MGST1: variants seen among roughly 807,000 people sequenced by gnomAD.
MGST1 encodes microsomal glutathione S-transferase 1, also known as glutathione S-transferase 12.
MGST1 carries 5 observed loss-of-function variants against 8.9 expected under a neutral mutation model. The ratio of observed to expected loss-of-function variants is 0.56; its 90% CI spans 0.29 to 1.19. MGST1 has a LOEUF of 1.19. Among genes scored for constraint, MGST1 ranks in the 50% most tolerant of loss-of-function variants. MGST1 has a pLI of 0.08. For missense variants in MGST1, 182 were observed against 187.4 expected, an observed-to-expected ratio of 0.97 and a Z score of 0.17; for synonymous variants, 54 against 67.8, an observed-to-expected ratio of 0.80 and a Z score of 1.00.
intron 4 of MGST1, among the ~76,000 whole-genome samples, chr12:16,541,605 G>GTAGAGTT (rs1305669262): frequency 1.3e-5 from 2 of 152,044 alleles, no homozygotes; most frequent in African/African-American, 4.8e-5. Flanking sequence ...AAAAGTTAGG[G>GTAGAGTT]TAGAGTTTTG....
Position 16,362,952 on chromosome 12 carries a change from G to GTAATAAATAA in MGST1, c.222-843_222-842insTAATAAATAA, listed in dbSNP as rs1940066852. 1 of 152,052 alleles carries GTAATAAATAA rather than the reference G, an allele frequency of 6.6e-6. No homozygotes were observed. Among genetic ancestry groups the GTAATAAATAA allele is most frequent in the South Asian group, 2.1e-4 (1 of 4,816 alleles). The allele number at this position is 152,052 out of a possible 1,614,324, so 9.4% of individuals were successfully genotyped here. A position where few individuals can be genotyped will look rare whatever the true frequency, so the allele number is the denominator to read the frequency against. ...CCTCTCTAAAAACAACAATAGCAAT[G>GTAATAAATAA]ACAACAATAATAATAAAAATGTCAA... On this transcript the variant is annotated intron_variant, in intron 3 of 3. Coordinates refer to ENST00000396210, the MANE Select transcript of MGST1 (RefSeq NM_020300.5). The surrounding 1 kb of genome is among the most constrained non-coding windows in gnomAD (Gnocchi z 4.4).
In MGST1 at chr12:16,585,184, A is replaced by AC. The variant is rs1378214918; in HGVS notation, n.483-4343dup. ...TTCACAACGTTATTTTTCCTTCCAG[A>AC]CTCCGGAACCTGGAGGCAATTGAGT... is the stretch of plus-strand genomic sequence containing the variant. On this transcript the variant is annotated intron_variant and non_coding_transcript_variant, in intron 4 of 4. Transcript: ENST00000538857. This position sits in a 1 kb window ranked among gnomAD's most constrained non-coding sequence, Gnocchi z 4.7. Among the ~76,000 whole-genome samples the AC allele has an allele frequency of 1.6e-4, 24 of 152,050 alleles. No homozygotes were observed. The highest frequency in any genetic ancestry group is 1.6e-3 in the Admixed American group (24 of 15,256).
At chr12:16,407,357 A>G (rs537386337) in intron 1 of MGST1, among the ~76,000 whole-genome samples, 10 of 152,286 alleles carry the variant, frequency 6.6e-5, no homozygotes, top group East Asian at 5.8e-4. Flanking sequence ...CAAAACCCCA[A>G]TGAGATACCA....
intron 1 of MGST1, among the ~76,000 whole-genome samples, chr12:16,414,564 C>T (rs913321600): frequency 1.3e-5 from 2 of 151,544 alleles, no homozygotes; most frequent in Non-Finnish European, 2.9e-5. Flanking sequence ...TACAGGTGCC[C>T]GCCACCATGC....
intron 4 of MGST1, among the ~76,000 whole-genome samples, chr12:16,535,971 G>T (rs1286719360): frequency 6.6e-6 from 1 of 152,074 alleles, no homozygotes; most frequent in Non-Finnish European, 1.5e-5. Context: ...AAACACAAAG[G>T]ATTTAGGCTT....
rs572016812 is a variant in MGST1, at chr12:16,529,167, A to G, written n.483-60361A>G. Among the ~76,000 whole-genome samples the G allele has an allele frequency of 2.6e-5, 4 of 151,580 alleles. No homozygotes were observed. In the East Asian group the frequency reaches 7.8e-4, roughly 30 times the overall value. The stretch of plus-strand genomic sequence containing the variant: ...TAAACAATTCCTTTCTTAGTTTTTC[A>G]TTTTGTTTCTCTCTCGCTCACTCTT... On this transcript the variant is annotated intron_variant and non_coding_transcript_variant, in intron 4 of 4. Transcript: ENST00000538857.
intron 4 of MGST1, among the ~76,000 whole-genome samples, chr12:16,578,570 C>A (rs1319677395): frequency 6.6e-6 from 1 of 152,082 alleles, no homozygotes; most frequent in African/African-American, 2.4e-5. Flanking sequence ...GTAATCCCAG[C>A]CCTTTGGGAG....
rs202065205 is a variant in MGST1 at position 16,363,906 on chromosome 12, C to T, written c.333C>T (p.Val111=). 2.9e-5 allele frequency: 47 copies of T among 1,613,946 alleles called. No individual in the cohort carries two copies. Among genetic ancestry groups the T allele is most frequent in the Middle Eastern group, 1.6e-4 (1 of 6,062 alleles). Reference sequence around the variant, plus strand: ...CCATCCTGCACTTCAGACTATTTGTCGGAGCACGGATCTACCACACCATTG... The same window carrying T: ...CCATCCTGCACTTCAGACTATTTGTTGGAGCACGGATCTACCACACCATTG... ...STAILHFRLF[V]GARIYHTIAY... is the part of the protein sequence containing the mutation. The change falls in exon 4 of 4, where the codon GTC becomes GTT. Residue 111 remains valine (V), a synonymous_variant. Coordinates refer to ENST00000396210, the MANE Select transcript of MGST1 (RefSeq NM_020300.5). This position sits in a 1 kb window ranked among gnomAD's most constrained non-coding sequence, Gnocchi z 4.6.
At chr12:16,470,826 T>C (rs1446183503) in intron 4 of MGST1, among the ~76,000 whole-genome samples, 1 of 152,214 alleles carries the variant, frequency 6.6e-6, no homozygotes, top group East Asian at 1.9e-4. Flanking sequence ...AAGAGTTAAC[T>C]ATTTTTCCAA....
chr12:16,438,729 C>G (rs1280730310), exon 2 of MGST1: 2 of 151,812 alleles, frequency 1.3e-5, no homozygotes, highest in Admixed American at 1.3e-4. Flanking sequence ...ACATATTTCA[C>G]TATAAACTCG....
rs1170324924 is a variant in MGST1, at chr12:16,548,657, C to T, written n.483-40871C>T. The T allele has an allele frequency of 6.6e-6, 1 of 152,108 alleles. No individual in the cohort carries two copies. Among genetic ancestry groups the T allele is most frequent in the East Asian group, 1.9e-4 (1 of 5,182 alleles). The allele number at this position is 152,108 out of a possible 1,614,324, so 9.4% of individuals were successfully genotyped here. On this transcript the variant is annotated intron_variant and non_coding_transcript_variant, in intron 4 of 4. Coordinates refer to the MGST1 transcript ENST00000538857. The surrounding 1 kb of genome is among the most constrained non-coding windows in gnomAD (Gnocchi z 4.2). ...GCTAAATGACGTTAGGGCTACACAA[C>T]ACAAAGGGGAAAGTTGACAACAATT...
At chr12:16,387,529 C>CG (rs1706110982) in intron 1 of MGST1, among the ~76,000 whole-genome samples, 1 of 137,458 alleles carries the variant, frequency 7.3e-6, no homozygotes, top group Admixed American at 7.8e-5. Context: ...ACAGGTATAC[C>CG]ATTTTTTTTT....
chr12:16,493,437 C>A (rs1025756691), intron 4 of MGST1, among the ~76,000 whole-genome samples: 1 of 152,074 alleles, frequency 6.6e-6, no homozygotes, highest in Non-Finnish European at 1.5e-5. Flanking sequence ...ATCAGAACCT[C>A]TGGGAATAGG....
intron 4 of MGST1, among the ~76,000 whole-genome samples, chr12:16,465,590 T>C (rs1023198965): frequency 6.6e-6 from 1 of 152,142 alleles, no homozygotes; most frequent in Non-Finnish European, 1.5e-5. Flanking sequence ...ACGCTCCTTA[T>C]AATAATCTAA....
rs2137332255 is a variant in MGST1 at position 16,560,517 on chromosome 12, G to C, written n.483-29011G>C. 6.2e-7 allele frequency: 1 copy of C among 1,612,312 alleles called. No homozygotes were observed. The highest frequency in any genetic ancestry group is 1.7e-5 in the Admixed American group (1 of 59,796). On this transcript the variant is annotated intron_variant and non_coding_transcript_variant, in intron 4 of 4. Transcript: ENST00000538857. The surrounding 1 kb of genome is among the most constrained non-coding windows in gnomAD (Gnocchi z 5.0). ...GGATGAGCTTACTACAGGCAGCGCA[G>C]TTTCCCGTTACACCAAAGAGCCTAG... is the stretch of plus-strand genomic sequence containing the variant.
At chr12:16,527,738 AT>A (rs1302587409) in intron 4 of MGST1, among the ~76,000 whole-genome samples, 1 of 152,024 alleles carries the variant, frequency 6.6e-6, no homozygotes, top group Non-Finnish European at 1.5e-5. Flanking sequence ...TCAGGAAGCC[AT>A]ATCCCATTCT....
At chr12:16,420,969 C>T (rs1813246863) in intron 1 of MGST1, among the ~76,000 whole-genome samples, 1 of 152,104 alleles carries the variant, frequency 6.6e-6, no homozygotes, top group East Asian at 1.9e-4. Flanking sequence ...TAGTGGGATG[C>T]AACACAGCAC....
rs1940763007 is a variant in MGST1 at position 16,413,849 on chromosome 12, T to C, written n.779-23539T>C. Among the ~76,000 whole-genome samples, 1 of 152,196 alleles carries C rather than the reference T, an allele frequency of 6.6e-6. No homozygotes were observed. The highest frequency in any genetic ancestry group is 1.5e-5 in the Non-Finnish European group (1 of 68,034). On this transcript the variant is annotated intron_variant and non_coding_transcript_variant, in intron 1 of 1. Coordinates refer to the MGST1 transcript ENST00000359720. The surrounding 1 kb of genome is among the most constrained non-coding windows in gnomAD (Gnocchi z 4.0). The stretch of plus-strand genomic sequence containing the variant: ...ATAATTTCTGACACATTGAAGACTC[T>C]TAGCCATTGCCAAATCAATGAATGA...
rs1223679635 is a variant in MGST1 at position 16,395,790 on chromosome 12, T to TACACACACACAC, written n.778+12187_778+12188insCACACACACACA. Among the ~76,000 whole-genome samples the TACACACACACAC allele has an allele frequency of 4.6e-3, 569 of 123,590 alleles. 5 individuals are homozygous for TACACACACACAC. The highest frequency in any genetic ancestry group is 0.015 in the East Asian group (51 of 3,432). The allele number at this position is 123,590 out of a possible 152,430, so 81.1% of individuals were successfully genotyped here. On this transcript the variant is annotated intron_variant and non_coding_transcript_variant, in intron 1 of 1. Coordinates refer to the MGST1 transcript ENST00000359720. ...TGAGTAGTATTCCATCATATATATATATATATATATATATACACACACACA... is the reference window on the plus strand; with the variant it reads ...TGAGTAGTATTCCATCATATATATATACACACACACACATATATATATATATACACACACACA...
Sources: gnomAD v4.1 joint callset for allele counts (sites outside exome capture counted in the v4.1 genomes callset) on GRCh38, gnomAD v4.1.1 for gene constraint, Gnocchi (gnomAD v3.1) non-coding constraint, MANE v1.5 for transcripts, NCBI Gene and HGNC (gene_info 2026-07-23, HGNC 2026-07-21) for gene names.